Variants in APP observed in about 807,000 individuals in gnomAD.
APP encodes amyloid-beta precursor protein.
APP carries 31 observed loss-of-function variants against 101.4 expected under a neutral mutation model. The ratio of observed to expected loss-of-function variants is 0.31; its 90% CI spans 0.23 to 0.41. The LOEUF is 0.41. APP is among the 10% of genes least tolerant of loss of function. The pLI, the probability that APP is intolerant of heterozygous loss-of-function variation, is 1.00. For missense variants in APP, 839 were observed against 1,003.7 expected (o/e 0.84, Z 2.22); for synonymous variants, 366 against 364.4 (o/e 1.00, Z -0.05).
In APP at chr21:26,041,656, A is replaced by G. The variant is rs1601299564; in HGVS notation, c.662+9344T>C. ...AGTCTCATTGCCAGATGTAGCTCAG[A>G]CAGCAGCAACTCAAGCCCTGCACTA... On this transcript the variant is annotated intron_variant, in intron 5 of 17. Coordinates refer to ENST00000346798, the MANE Select transcript of APP (RefSeq NM_000484.4). Among the ~76,000 whole-genome samples, 5 of 152,004 alleles carry G rather than the reference A, an allele frequency of 3.3e-5. No individual in the cohort carries two copies. In the South Asian group the frequency reaches 1.0e-3, roughly 32 times the overall value.
intron 1 of APP, among the ~76,000 whole-genome samples, chr21:26,141,008 C>A (rs562095292): frequency 2.6e-5 from 4 of 152,094 alleles, no homozygotes; most frequent in Non-Finnish European, 5.9e-5. Context: ...GTAATTCTGG[C>A]CAAAAGGTTA....
rs55971567 is a variant in APP, at chr21:26,062,230, A to AACACAC, written c.356-8888_356-8883dup. Among the ~76,000 whole-genome samples, 569 of 145,148 alleles carry AACACAC rather than the reference A, an allele frequency of 3.9e-3. 4 individuals carry two copies. The highest frequency in any genetic ancestry group is 0.012 in the African/African-American group (482 of 39,558). The stretch of plus-strand genomic sequence containing the variant: ...GTCTCAAAAAACAAACAAACAAACA[A>AACACAC]ACACACACACACACACACACACACA... On this transcript the variant is annotated intron_variant, in intron 3 of 17. Transcript: ENST00000346798.
intron 3 of APP, among the ~76,000 whole-genome samples, chr21:26,074,434 T>A (rs1288212177): frequency 6.6e-6 from 1 of 152,176 alleles, no homozygotes; most frequent in Non-Finnish European, 1.5e-5. Flanking sequence ...TATCACTGAA[T>A]AATATTTAGA....
intron 11 of APP, among the ~76,000 whole-genome samples, chr21:25,969,792 C>A (rs2041940777): frequency 7.0e-6 from 1 of 142,908 alleles, no homozygotes. Context: ...TGAGCTACGA[C>A]TGGACCACTG....
intron 1 of APP, among the ~76,000 whole-genome samples, chr21:26,138,187 T>C (rs1424558389): frequency 6.6e-6 from 1 of 152,146 alleles, no homozygotes; most frequent in Admixed American, 6.5e-5. Flanking sequence ...AGAATTATTT[T>C]AAAATGCTTC....
At chr21:26,114,041 T>A (rs1487939112) in intron 1 of APP, among the ~76,000 whole-genome samples, 3 of 152,210 alleles carry the variant, frequency 2.0e-5, no homozygotes, top group Admixed American at 2.0e-4. Context: ...AATTCATTCC[T>A]GTCCCAAAGA....
rs181704909 is a variant in APP, at chr21:26,077,463, G to A, written c.355+12480C>T. Among the ~76,000 whole-genome samples, 3 of 152,032 alleles carry A rather than the reference G, an allele frequency of 2.0e-5. No individual in the cohort carries two copies. In the East Asian group the frequency reaches 5.8e-4, roughly 29 times the overall value. Reference sequence around the variant, plus strand: ...ACAACGCTGTTATTTTGTACTTTTGGCTTTTCTTTGTCTACAGTTAATATT... The same window carrying A: ...ACAACGCTGTTATTTTGTACTTTTGACTTTTCTTTGTCTACAGTTAATATT... On this transcript the variant is annotated intron_variant, in intron 3 of 17. Transcript: ENST00000346798.
intron 5 of APP, among the ~76,000 whole-genome samples, chr21:26,034,355 C>A (rs2044989929): frequency 6.6e-6 from 1 of 152,094 alleles, no homozygotes; most frequent in Non-Finnish European, 1.5e-5. Flanking sequence ...TAAAAGAAAT[C>A]TACTATCGGC....
At chr21:26,066,984 CTGAG>C (rs1455899213) in intron 3 of APP, among the ~76,000 whole-genome samples, 4 of 152,130 alleles carry the variant, frequency 2.6e-5, no homozygotes, top group African/African-American at 7.2e-5. Context: ...TCTGCTACTG[CTGAG>C]TATTACTAAA....
At chr21:26,152,448 C>A (rs1011120945) in intron 1 of APP, among the ~76,000 whole-genome samples, 3 of 151,768 alleles carry the variant, frequency 2.0e-5, no homozygotes, top group African/African-American at 7.3e-5. Context: ...ATTACATGTA[C>A]AAAGAACTTA....
chr21:25,895,771 A>G (rs981073326), intron 16 of APP, among the ~76,000 whole-genome samples: 9 of 152,242 alleles, frequency 5.9e-5, no homozygotes, highest in African/African-American at 2.2e-4. Context: ...TGCTAGCTCA[A>G]CATTTTTATG....
chr21:25,983,953 C>T (rs1203388261), intron 8 of APP, among the ~76,000 whole-genome samples: 1 of 152,130 alleles, frequency 6.6e-6, no homozygotes, highest in Non-Finnish European at 1.5e-5. Context: ...TGACCTGGGG[C>T]AGGAAACTTA....
At chr21:26,106,389 G>A (rs1388900998) in intron 2 of APP, among the ~76,000 whole-genome samples, 2 of 152,052 alleles carry the variant, frequency 1.3e-5, no homozygotes, top group Non-Finnish European at 2.9e-5. Flanking sequence ...AATTGTTTAG[G>A]GGGTTTTTAT....
intron 15 of APP, among the ~76,000 whole-genome samples, chr21:25,899,881 T>C (rs1415858236): frequency 3.3e-5 from 5 of 152,222 alleles, no homozygotes; most frequent in Admixed American, 6.5e-5. Context: ...CAGAAGTTCA[T>C]TCTCTTTAAT....
At position 26,152,048 on chromosome 21, in the gene APP, G is replaced by A. The variant is rs370495259; in HGVS notation, c.57+18516C>T. Reference sequence around the variant, plus strand: ...TCCCAGCACTTTGGGAGGCCGAGGCGGGGGGATCACGAGGTCAGGAGATCA... The same window carrying A: ...TCCCAGCACTTTGGGAGGCCGAGGCAGGGGGATCACGAGGTCAGGAGATCA... On this transcript the variant is annotated intron_variant, in intron 1 of 17. Coordinates refer to ENST00000346798, the MANE Select transcript of APP (RefSeq NM_000484.4). Among the ~76,000 whole-genome samples the A allele has an allele frequency of 3.0e-3, 457 of 152,042 alleles. 1 individual carries two copies. The highest frequency in any genetic ancestry group is 0.01 in the African/African-American group (416 of 41,512).
intron 7 of APP, among the ~76,000 whole-genome samples, chr21:25,999,434 G>A (rs141514212): frequency 2.6e-5 from 4 of 152,174 alleles, no homozygotes; most frequent in African/African-American, 9.7e-5. Flanking sequence ...GAGCTCGGAG[G>A]GGGCAAGACG....
At chr21:26,066,826 T>G (rs1266072662) in intron 3 of APP, among the ~76,000 whole-genome samples, 5 of 152,092 alleles carry the variant, frequency 3.3e-5, no homozygotes, top group African/African-American at 1.2e-4. Flanking sequence ...AGTTCTAGAT[T>G]TGAAAACAAC....
At chr21:26,025,059 A>G (rs1475376891) in intron 5 of APP, among the ~76,000 whole-genome samples, 1 of 152,246 alleles carries the variant, frequency 6.6e-6, no homozygotes, top group Non-Finnish European at 1.5e-5. Context: ...ACTGAAAATC[A>G]GATGTTGGAA....
At chr21:26,059,567 C>T (rs2046183054) in intron 3 of APP, among the ~76,000 whole-genome samples, 1 of 152,162 alleles carries the variant, frequency 6.6e-6, no homozygotes, top group Non-Finnish European at 1.5e-5. Flanking sequence ...CAGAACCACA[C>T]CAAAGCAGCT....
Sources: allele counts gnomAD v4.1 joint callset (sites outside exome capture counted in the v4.1 genomes callset), GRCh38; gene constraint gnomAD v4.1.1; transcripts MANE v1.5; gene names NCBI Gene and HGNC (gene_info 2026-07-23, HGNC 2026-07-21).